The following CYP2J2 variants were observed in gnomAD, a reference collection of about 807,000 sequenced individuals.
The protein encoded by CYP2J2 is cytochrome P450 family 2 subfamily J member 2.
Under a neutral mutation model 48.8 loss-of-function variants are expected in CYP2J2, and 41 were observed. That is an observed-to-expected ratio of 0.84 (90% CI 0.66 to 1.09). The LOEUF is 1.09. CYP2J2 is among the 50% of genes least tolerant of loss of function. The pLI, the probability that CYP2J2 is intolerant of heterozygous loss-of-function variation, is 0.00. For missense variants in CYP2J2, 644 were observed against 617.3 expected (o/e 1.04, Z -0.46); for synonymous variants, 221 against 227.1 (o/e 0.97, Z 0.24).
intron 8 of CYP2J2, among the ~76,000 whole-genome samples, chr1:59,900,412 C>T (rs1334624596): frequency 2.6e-5 from 4 of 152,200 alleles, no homozygotes; most frequent in Non-Finnish European, 5.9e-5. Context: ...GCGGGTGGAT[C>T]ACCTGAGGTC....
chr1:59,907,714 C>T, intron 6 of CYP2J2, 72 bp downstream of exon 6: 2 of 1,547,066 alleles, frequency 1.3e-6, no homozygotes, highest in Non-Finnish European at 8.9e-7. Context: ...ATCTTCTGGC[C>T]CCGACTTCAG....
chr1:59,904,665 T>C (rs1644349735), intron 7 of CYP2J2: 3 of 527,926 alleles, frequency 5.7e-6, no homozygotes, highest in Non-Finnish European at 9.9e-6. Context: ...CTAAACATAT[T>C]TAACGTAGGA....
the CYP2J2 span, among the ~76,000 whole-genome samples, chr1:59,961,322 TTAAA>T: frequency 2.6e-5 from 4 of 152,092 alleles, no homozygotes; most frequent in Non-Finnish European, 5.9e-5. Flanking sequence ...AGGAAAGGAT[TTAAA>T]TAAATATTTT....
At chr1:59,955,267 TATATATATATCCATATATATATATCC>T in the CYP2J2 span, among the ~76,000 whole-genome samples, 1 of 28,970 alleles carries the variant, frequency 3.5e-5, no homozygotes, top group African/African-American at 8.5e-5. Context: ...TATATATCCA[TATATATATATCCATATATATATATCC>T]ATATATATAT....
upstream of CYP2J2, among the ~76,000 whole-genome samples, chr1:59,931,580 A>G (rs899417003): frequency 1.3e-5 from 2 of 152,162 alleles, no homozygotes; most frequent in African/African-American, 4.8e-5. Context: ...GAGAGAAATT[A>G]TCAGATTATT....
Position 59,909,772 on chromosome 1 carries a change from T to C in CYP2J2, c.861+12A>G, listed in dbSNP as rs765485124. ...CTAAGAACAAAATACAAAATGACTT[T>C]GGTTTTCTCACCTTTGACATTTCTT... is the stretch of plus-strand genomic sequence containing the variant. On this transcript the variant is annotated intron_variant, in intron 5 of 8. Coordinates refer to ENST00000371204, the MANE Select transcript of CYP2J2 (RefSeq NM_000775.4). 2 of 1,563,816 alleles carry C rather than the reference T, an allele frequency of 1.3e-6. No homozygotes were observed. Among genetic ancestry groups the C allele is most frequent in the Non-Finnish European group, 1.7e-6 (2 of 1,160,524 alleles).
At chr1:59,907,431 A>T (rs1203895051) in intron 6 of CYP2J2, among the ~76,000 whole-genome samples, 1 of 152,194 alleles carries the variant, frequency 6.6e-6, no homozygotes, top group Non-Finnish European at 1.5e-5. Flanking sequence ...CTTGAACATT[A>T]TTCTGGAGGA....
chr1:59,942,652 AAGT>A, the CYP2J2 span, among the ~76,000 whole-genome samples: 1 of 152,028 alleles, frequency 6.6e-6, no homozygotes, highest in Non-Finnish European at 1.5e-5. Flanking sequence ...GTGAGAGCAG[AAGT>A]AGGAGAGACA....
the CYP2J2 span, among the ~76,000 whole-genome samples, chr1:59,956,147 G>A: frequency 6.6e-6 from 1 of 151,962 alleles, no homozygotes; most frequent in Non-Finnish European, 1.5e-5. Context: ...TAGAACAAAC[G>A]GCAAATAGAT....
intron 1 of CYP2J2, among the ~76,000 whole-genome samples, chr1:59,918,612 T>A (rs1297176516): frequency 3.3e-5 from 5 of 151,680 alleles, no homozygotes; most frequent in Non-Finnish European, 4.4e-5. Context: ...AGAGGGCCTC[T>A]GAGAAGACTT....
chr1:59,964,258 G>C, the CYP2J2 span, among the ~76,000 whole-genome samples: 2 of 152,192 alleles, frequency 1.3e-5, no homozygotes, highest in Non-Finnish European at 2.9e-5. Flanking sequence ...AATGTGTTTA[G>C]CTGCAATCTC....
At chr1:59,950,435 C>G in the CYP2J2 span, among the ~76,000 whole-genome samples, 3 of 152,286 alleles carry the variant, frequency 2.0e-5, no homozygotes, top group Non-Finnish European at 2.9e-5. Context: ...CAGGCTGAAT[C>G]TTCAGTGTTG....
the CYP2J2 span, among the ~76,000 whole-genome samples, chr1:59,946,843 TACC>T: frequency 6.6e-6 from 1 of 152,182 alleles, no homozygotes; most frequent in Non-Finnish European, 1.5e-5. Flanking sequence ...GAAATTATAA[TACC>T]TAATGCATAT....
At chr1:59,931,831 T>C in the CYP2J2 span, among the ~76,000 whole-genome samples, 2 of 152,108 alleles carry the variant, frequency 1.3e-5, no homozygotes, top group Non-Finnish European at 2.9e-5. Flanking sequence ...AAGGCGTATT[T>C]CCCAAGCAAC....
intron 7 of CYP2J2, among the ~76,000 whole-genome samples, chr1:59,901,694 T>C (rs1644321240): frequency 6.6e-6 from 1 of 152,296 alleles, no homozygotes; most frequent in Non-Finnish European, 1.5e-5. Context: ...CTTTACTCTG[T>C]CGTTATCCAA....
At chr1:59,930,042 T>G (rs1644595700), upstream of CYP2J2, among the ~76,000 whole-genome samples, 1 of 152,118 alleles carries the variant, frequency 6.6e-6, no homozygotes, top group African/African-American at 2.4e-5. Flanking sequence ...TTCAGTAAGT[T>G]GGAACTCCAA....
the CYP2J2 span, among the ~76,000 whole-genome samples, chr1:59,937,056 A>C: frequency 6.6e-6 from 1 of 152,362 alleles, no homozygotes; most frequent in East Asian, 1.9e-4. Flanking sequence ...TCTCTGACAG[A>C]ACATTCCAGA....
At chr1:59,957,174 G>T in the CYP2J2 span, among the ~76,000 whole-genome samples, 1 of 152,106 alleles carries the variant, frequency 6.6e-6, no homozygotes, top group Admixed American at 6.6e-5. Context: ...TTTGTTCAAC[G>T]CAATGATAGG....
chr1:59,946,384 A>AT, the CYP2J2 span, among the ~76,000 whole-genome samples: 2 of 152,044 alleles, frequency 1.3e-5, no homozygotes, highest in African/African-American at 4.8e-5. Flanking sequence ...CTCAATAAGA[A>AT]TTTTTTCTGA....
Sources: allele counts gnomAD v4.1 joint callset (sites outside exome capture counted in the v4.1 genomes callset), GRCh38; gene constraint gnomAD v4.1.1; transcripts MANE v1.5; gene names NCBI Gene and HGNC (gene_info 2026-07-23, HGNC 2026-07-21).